Variants in RBFOX1 observed in about 807,000 individuals in gnomAD.
RBFOX1 encodes the protein RNA binding protein fox-1 homolog 1.
In RBFOX1, 8 loss-of-function variants were observed where a neutral mutation model predicts 57.7. The observed-to-expected ratio is 0.14, with a 90% CI of 0.08 to 0.25. RBFOX1 has a LOEUF of 0.25. Among genes scored for constraint, RBFOX1 ranks in the 10% least tolerant of loss-of-function variants. The pLI, the probability that RBFOX1 is intolerant of heterozygous loss-of-function variation, is 1.00. For missense variants in RBFOX1, 611 were observed against 548.5 expected (o/e 1.11, Z -1.14); for synonymous variants, 326 against 222.4 (o/e 1.47, Z -4.15).
intron 3 of RBFOX1, among the ~76,000 whole-genome samples, chr16:6,773,002 ATGTGTG>A (rs138195500): frequency 1.4e-5 from 1 of 73,678 alleles, no homozygotes; most frequent in Non-Finnish European, 3.1e-5. Context: ...TGGGGTGCAT[ATGTGTG>A]TGTGTGTGTG....
chr16:7,011,643 A>C (rs1455192760), intron 3 of RBFOX1, among the ~76,000 whole-genome samples: 2 of 152,220 alleles, frequency 1.3e-5, no homozygotes, highest in Admixed American at 1.3e-4. Flanking sequence ...CCTTCAAAGT[A>C]CCTGGGACTA....
intron 3 of RBFOX1, among the ~76,000 whole-genome samples, chr16:6,694,146 C>G (rs1364317987): frequency 1.3e-5 from 2 of 152,214 alleles, no homozygotes; most frequent in African/African-American, 4.8e-5. Context: ...CATCATGACT[C>G]TGCCAACTGT....
chr16:7,367,452 C>G (rs1479383927), intron 4 of RBFOX1, among the ~76,000 whole-genome samples: 1 of 152,144 alleles, frequency 6.6e-6, no homozygotes, highest in East Asian at 1.9e-4. Flanking sequence ...GATTTGCACT[C>G]TGTTGTTTGC....
chr16:6,642,976 A>G (rs981474164), intron 2 of RBFOX1, among the ~76,000 whole-genome samples: 2 of 152,160 alleles, frequency 1.3e-5, no homozygotes, highest in African/African-American at 4.8e-5. Flanking sequence ...TAGCTCTTAC[A>G]TCGTGAGTCA....
chr16:7,275,122 C>A (rs561814052), intron 4 of RBFOX1, among the ~76,000 whole-genome samples: 1 of 152,080 alleles, frequency 6.6e-6, no homozygotes, highest in East Asian at 1.9e-4. Context: ...TGAGCTTTTG[C>A]TTATATCTGA....
chr16:6,559,044 T>C (rs989255580), intron 2 of RBFOX1, among the ~76,000 whole-genome samples: 12 of 152,068 alleles, frequency 7.9e-5, no homozygotes, highest in Non-Finnish European at 1.5e-4. Context: ...CTCCCTAGGA[T>C]AGATGAGAAT....
intron 3 of RBFOX1, among the ~76,000 whole-genome samples, chr16:6,692,976 A>G (rs2060433858): frequency 6.6e-6 from 1 of 151,500 alleles, no homozygotes; most frequent in Non-Finnish European, 1.5e-5. Flanking sequence ...CACCGGCATC[A>G]TTATCACCAT....
intron 3 of RBFOX1, among the ~76,000 whole-genome samples, chr16:5,622,580 T>C (rs557007683): frequency 6.6e-6 from 1 of 152,244 alleles, no homozygotes; most frequent in Non-Finnish European, 1.5e-5. Context: ...ATTTATTTGC[T>C]TAGACCAAGG....
intron 3 of RBFOX1, among the ~76,000 whole-genome samples, chr16:6,877,897 A>T (rs1404589627): frequency 1.3e-5 from 2 of 152,164 alleles, no homozygotes; most frequent in Non-Finnish European, 2.9e-5. Context: ...CAGACTAAGA[A>T]CTTAGGATCT....
intron 4 of RBFOX1, among the ~76,000 whole-genome samples, chr16:7,125,473 G>C (rs185964091): frequency 6.6e-6 from 1 of 152,060 alleles, no homozygotes; most frequent in South Asian, 2.1e-4. Flanking sequence ...CAAACCTGTC[G>C]GATGCTAAGC....
At chr16:6,817,079 T>G (rs2090248783) in intron 3 of RBFOX1, among the ~76,000 whole-genome samples, 1 of 152,150 alleles carries the variant, frequency 6.6e-6, no homozygotes, top group Admixed American at 6.5e-5. Context: ...ATCAATGAAT[T>G]GGACTTGACA....
intron 3 of RBFOX1, among the ~76,000 whole-genome samples, chr16:5,723,652 C>G (rs2052022170): frequency 6.6e-6 from 1 of 151,994 alleles, no homozygotes; most frequent in Admixed American, 6.5e-5. Context: ...GACCTTTGGT[C>G]TAAGGTCGAA....
intron 1 of RBFOX1, among the ~76,000 whole-genome samples, chr16:5,363,527 C>G (rs913757790): frequency 2.6e-5 from 4 of 152,172 alleles, no homozygotes; most frequent in African/African-American, 7.2e-5. Context: ...CAGGCAGGCT[C>G]TTCTCTCTGC....
chr16:6,188,277 G>C (rs1373817280), intron 1 of RBFOX1, among the ~76,000 whole-genome samples: 1 of 151,980 alleles, frequency 6.6e-6, no homozygotes, highest in Admixed American at 6.6e-5. Flanking sequence ...CAAGGAGGCA[G>C]ACTGAGTGAT....
intron 2 of RBFOX1, among the ~76,000 whole-genome samples, chr16:6,518,797 G>GTCTGTCTGTCTGTCTATCTA (rs1278136972): frequency 6.7e-5 from 7 of 104,078 alleles, no homozygotes; most frequent in African/African-American, 2.4e-4. Context: ...CTGTGTGTCT[G>GTCTGTCTGTCTGTCTATCTA]TCTATCTATC....
chr16:6,931,347 A>T (rs567244576), intron 3 of RBFOX1, among the ~76,000 whole-genome samples: 3 of 145,656 alleles, frequency 2.1e-5, no homozygotes, highest in South Asian at 4.4e-4. Flanking sequence ...CTCTACACAC[A>T]CACACACACA....
At chr16:6,903,430 G>T (rs977073662) in intron 3 of RBFOX1, among the ~76,000 whole-genome samples, 3 of 152,164 alleles carry the variant, frequency 2.0e-5, no homozygotes, top group African/African-American at 7.2e-5. Context: ...CGAAAGATCC[G>T]TGAAGTCTGC....
chr16:6,813,944 C>G (rs1318399333), intron 3 of RBFOX1, among the ~76,000 whole-genome samples: 1 of 152,168 alleles, frequency 6.6e-6, no homozygotes, highest in East Asian at 1.9e-4. Context: ...ACCCAGCAAA[C>G]TATTAACCAG....
chr16:7,426,765 G>T (rs2098619413), intron 4 of RBFOX1, among the ~76,000 whole-genome samples: 1 of 152,038 alleles, frequency 6.6e-6, no homozygotes, highest in Admixed American at 6.5e-5. Context: ...GAGTGAAGTG[G>T]TCTGCAGACA....
Sources: gnomAD v4.1 joint callset for allele counts (sites outside exome capture counted in the v4.1 genomes callset) on GRCh38, gnomAD v4.1.1 for gene constraint, MANE v1.5 for transcripts, NCBI Gene and HGNC (gene_info 2026-07-23, HGNC 2026-07-21) for gene names.